BABAM2: variants seen among roughly 807,000 people sequenced by gnomAD.
The protein encoded by BABAM2 is BRISC and BRCA1 A complex member 2, also known as BRISC and BRCA1-A complex member 2.
A neutral mutation model predicts 54.7 loss-of-function variants in BABAM2; 31 were observed. The ratio of observed to expected loss-of-function variants is 0.57; its 90% CI spans 0.43 to 0.77. BABAM2 has a LOEUF of 0.77. Among genes scored for constraint, BABAM2 ranks in the 30% least tolerant of loss-of-function variants. BABAM2 has a pLI of 0.00. For missense variants in BABAM2, 364 were observed against 455.8 expected (o/e 0.80, Z 1.83); for synonymous variants, 167 against 162.9 (o/e 1.03, Z -0.19).
chr2:27,993,835 C>T (rs1041248712), intron 4 of BABAM2, among the ~76,000 whole-genome samples: 2 of 152,244 alleles, frequency 1.3e-5, no homozygotes, highest in Non-Finnish European at 2.9e-5. Flanking sequence ...CACTTTTCCT[C>T]CTGTGCTCTT....
intron 11 of BABAM2, chr2:28,308,452 C>A: frequency 1.9e-6 from 1 of 528,428 alleles, no homozygotes; most frequent in South Asian, 1.4e-5. Flanking sequence ...CAACTTGTGT[C>A]CATTGTGGAT....
chr2:27,988,114 A>G (rs1672532808), intron 4 of BABAM2, 27 bp downstream of exon 4: 2 of 1,596,442 alleles, frequency 1.3e-6, no homozygotes, highest in African/African-American at 2.7e-5. Flanking sequence ...TGCTTGAATG[A>G]TCTTTCTTTG....
At chr2:27,933,509 C>CAT (rs775802281) in intron 3 of BABAM2, among the ~76,000 whole-genome samples, 5 of 151,514 alleles carry the variant, frequency 3.3e-5, no homozygotes, top group Non-Finnish European at 7.4e-5. Flanking sequence ...ATAACATACA[C>CAT]ATATATATAC....
chr2:28,323,793 T>A (rs958327214), intron 11 of BABAM2, among the ~76,000 whole-genome samples: 1 of 152,180 alleles, frequency 6.6e-6, no homozygotes, highest in Non-Finnish European at 1.5e-5. Context: ...CTGGGGCTCG[T>A]TATTTAGAGA....
At chr2:28,028,412 G>A (rs1478591179) in intron 5 of BABAM2, among the ~76,000 whole-genome samples, 2 of 107,008 alleles carry the variant, frequency 1.9e-5, no homozygotes, top group South Asian at 3.2e-4. Flanking sequence ...GCCCCTCCCC[G>A]CCACCCACAC....
intron 2 of BABAM2, among the ~76,000 whole-genome samples, chr2:27,905,374 ACT>A (rs1274931746): frequency 2.0e-5 from 3 of 151,952 alleles, no homozygotes; most frequent in Admixed American, 6.6e-5. Flanking sequence ...TTGTATCCTA[ACT>A]CTGCTTACAG....
chr2:28,021,738 C>T (rs933190990), intron 4 of BABAM2, among the ~76,000 whole-genome samples: 2 of 152,026 alleles, frequency 1.3e-5, no homozygotes, highest in Non-Finnish European at 2.9e-5. Context: ...ATTAGTTGAA[C>T]ATTTTTATCA....
At chr2:28,335,658 A>T (rs760335657) in intron 11 of BABAM2, among the ~76,000 whole-genome samples, 1 of 152,238 alleles carries the variant, frequency 6.6e-6, no homozygotes, top group Non-Finnish European at 1.5e-5. Context: ...ACCTGTGCAC[A>T]TGGGACAAGT....
intron 6 of BABAM2, among the ~76,000 whole-genome samples, chr2:28,117,584 G>A (rs1668715499): frequency 6.6e-6 from 1 of 152,178 alleles, no homozygotes; most frequent in African/African-American, 2.4e-5. Flanking sequence ...TCTCCCAGCA[G>A]GTTGGCTTTA....
In BABAM2 at chr2:28,122,041, C is replaced by T. The variant is rs182194405; in HGVS notation, c.571-7230C>T. Among the ~76,000 whole-genome samples the T allele has an allele frequency of 1.2e-4, 19 of 152,128 alleles. No homozygotes were observed. In the East Asian group the frequency reaches 3.1e-3, roughly 25 times the overall value. On this transcript the variant is annotated intron_variant, in intron 6 of 11. Transcript: ENST00000379624. ...CATCCTGGCTAACATGATGAAACCC[C>T]GTCCCTACTAAATATACAAAAAAAA...
chr2:28,065,857 G>A (rs1663480476), intron 6 of BABAM2, among the ~76,000 whole-genome samples: 1 of 151,594 alleles, frequency 6.6e-6, no homozygotes, highest in East Asian at 1.9e-4. Context: ...TTATTGAACT[G>A]TGGCTGGGTG....
chr2:27,908,261 TA>T (rs1038877004), intron 2 of BABAM2, among the ~76,000 whole-genome samples: 11 of 152,240 alleles, frequency 7.2e-5, no homozygotes, highest in African/African-American at 2.6e-4. Context: ...TCTCTTTTTT[TA>T]AAAACAATTT....
intron 4 of BABAM2, among the ~76,000 whole-genome samples, chr2:27,990,268 G>T (rs1672686965): frequency 6.6e-6 from 1 of 152,174 alleles, no homozygotes; most frequent in Non-Finnish European, 1.5e-5. Context: ...GATGGTTATT[G>T]TTGTCTGATT....
At chr2:28,316,636 A>G (rs1326310346) in intron 11 of BABAM2, among the ~76,000 whole-genome samples, 2 of 152,078 alleles carry the variant, frequency 1.3e-5, no homozygotes, top group African/African-American at 4.8e-5. Context: ...GTCTGATAAC[A>G]TGTCTCATAG....
chr2:27,943,993 A>G (rs1314174547), intron 3 of BABAM2, among the ~76,000 whole-genome samples: 1 of 152,164 alleles, frequency 6.6e-6, no homozygotes, highest in Non-Finnish European at 1.5e-5. Context: ...TATATTAGGA[A>G]TAGCAACTAA....
chr2:28,329,872 A>G lies in BABAM2; in HGVS notation c.1089-8578A>G, dbSNP rs953958760. On this transcript the variant is annotated intron_variant, in intron 11 of 11. Transcript: ENST00000379624. This position sits in a 1 kb window ranked among gnomAD's most constrained non-coding sequence, Gnocchi z 4.2. ...CCTGATACCAAAACCTGGCAGAGAT[A>G]CAACAAAAAAAGAAAATGTCAGGCC... Among the ~76,000 whole-genome samples the G allele has an allele frequency of 6.6e-6, 1 of 152,180 alleles. No homozygotes were observed. The highest frequency in any genetic ancestry group is 6.5e-5 in the Admixed American group (1 of 15,282).
intron 4 of BABAM2, among the ~76,000 whole-genome samples, chr2:28,016,948 C>T (rs991945822): frequency 6.6e-6 from 1 of 152,130 alleles, no homozygotes; most frequent in African/African-American, 2.4e-5. Flanking sequence ...TTTTTGTTAG[C>T]CACATGACTA....
intron 7 of BABAM2, among the ~76,000 whole-genome samples, chr2:28,157,065 A>C (rs1672610458): frequency 6.6e-6 from 1 of 152,196 alleles, no homozygotes; most frequent in South Asian, 2.1e-4. Flanking sequence ...TTTACAGAAA[A>C]CTGTAAGACT....
At chr2:28,273,956 G>A (rs532902661) in intron 10 of BABAM2, among the ~76,000 whole-genome samples, 10 of 152,312 alleles carry the variant, frequency 6.6e-5, no homozygotes, top group African/African-American at 2.2e-4. Flanking sequence ...AGGGGAAGGC[G>A]TCATGTGCTA....
Sources: allele counts gnomAD v4.1 joint callset (sites outside exome capture counted in the v4.1 genomes callset), GRCh38; gene constraint gnomAD v4.1.1; non-coding constraint Gnocchi (gnomAD v3.1); transcripts MANE v1.5; gene names NCBI Gene and HGNC (gene_info 2026-07-23, HGNC 2026-07-21).